Variants in RSPO3 observed in about 807,000 individuals in gnomAD.
The protein encoded by RSPO3 is R-spondin 3.
RSPO3 carries 17 observed loss-of-function variants against 36.5 expected under a neutral mutation model. The ratio of observed to expected loss-of-function variants is 0.47; its 90% CI spans 0.32 to 0.70. The LOEUF (loss-of-function observed/expected upper bound fraction) is 0.70. Among genes scored for constraint, RSPO3 ranks in the 30% least tolerant of loss-of-function variants. The pLI, the probability that RSPO3 is intolerant of heterozygous loss-of-function variation, is 0.04. For missense variants in RSPO3, 294 were observed against 322.5 expected, an observed-to-expected ratio of 0.91 and a Z score of 0.68; for synonymous variants, 108 against 107.0, an observed-to-expected ratio of 1.01 and a Z score of -0.06.
Position 127,131,158 on chromosome 6 carries a change from A to C in RSPO3, c.97+11869A>C, listed in dbSNP as rs548925184. ...TAGGCTTGCAGTATCACATAGATGC[A>C]TACTTGGCCCTAGTACAATCAATAA... On this transcript the variant is annotated intron_variant, in intron 1 of 4. Transcript: ENST00000356698. Among the ~76,000 whole-genome samples, 7 of 152,248 alleles carry C rather than the reference A, an allele frequency of 4.6e-5. No homozygotes were observed. The South Asian group carries it at 1.2e-3, about 27-fold the overall frequency.
chr6:127,148,799 A>G lies in RSPO3; in HGVS notation c.249A>G (p.Gly83=), dbSNP rs759931279. The G allele has an allele frequency of 1.2e-6, 2 of 1,612,666 alleles. No homozygotes were observed. Among genetic ancestry groups the G allele is most frequent in the East Asian group, 2.2e-5 (1 of 44,852 alleles). ...TATGTCTCTCTTCATGTCCAAGTGG[A>G]TATTATGGAACTCGATATCCAGATA... The part of the protein sequence containing the change: ...IGVCLSSCPS[G]YYGTRYPDIN... Residue 83 remains glycine (G), a synonymous_variant, in exon 2 of 5, where the codon GGA becomes GGG. Coordinates refer to ENST00000356698, the MANE Select transcript of RSPO3 (RefSeq NM_032784.5).
rs564935371 is a variant in RSPO3, at chr6:127,150,644, T to A, written c.436+72T>A. 3.5e-5 allele frequency: 52 copies of A among 1,466,488 alleles called. No individual in the cohort carries two copies. The East Asian group carries it at 1.1e-3, about 32-fold the overall frequency. 90.8% of individuals were successfully genotyped at this position (1,466,488 alleles called of 1,614,324 possible). Reference sequence around the variant, plus strand: ...CATGGAGGTGCTTTTCAAAGTCCTTTGCCAAAAGAACTTGAAGGTTCTTGG... The same window carrying A: ...CATGGAGGTGCTTTTCAAAGTCCTTAGCCAAAAGAACTTGAAGGTTCTTGG... On this transcript the variant is annotated intron_variant, in intron 3 of 4. Transcript: ENST00000356698.
intron 1 of RSPO3, among the ~76,000 whole-genome samples, chr6:127,127,413 A>AC (rs1176086344): frequency 6.6e-6 from 1 of 152,134 alleles, no homozygotes; most frequent in Non-Finnish European, 1.5e-5. Context: ...ATGGCAAACA[A>AC]CAGCTTTTTA....
At chr6:127,159,969 G>A (rs1229948799) in intron 4 of RSPO3, among the ~76,000 whole-genome samples, 1 of 151,974 alleles carries the variant, frequency 6.6e-6, no homozygotes, top group Non-Finnish European at 1.5e-5. Context: ...TCTCTTAAAG[G>A]CTAAGCCACG....
chr6:127,191,919 A>T (rs1052789791), intron 4 of RSPO3, among the ~76,000 whole-genome samples: 1 of 152,148 alleles, frequency 6.6e-6, no homozygotes, highest in Non-Finnish European at 1.5e-5. Context: ...GTAATATTCT[A>T]TATATAGACT....
intron 4 of RSPO3, among the ~76,000 whole-genome samples, chr6:127,189,360 T>C (rs1471286884): frequency 6.6e-6 from 1 of 151,500 alleles, no homozygotes; most frequent in Non-Finnish European, 1.5e-5. Flanking sequence ...GTATCCAATA[T>C]ATGGGATCAG....
At chr6:127,160,656 G>A (rs2114601185) in intron 4 of RSPO3, among the ~76,000 whole-genome samples, 3 of 152,310 alleles carry the variant, frequency 2.0e-5, no homozygotes, top group Middle Eastern at 6.8e-3. Flanking sequence ...ACGTCATTGG[G>A]TTGTTGCTAT....
At chr6:127,128,176 G>A (rs1445465270) in intron 1 of RSPO3, among the ~76,000 whole-genome samples, 1 of 151,866 alleles carries the variant, frequency 6.6e-6, no homozygotes, top group Non-Finnish European at 1.5e-5. Flanking sequence ...TATTTTACTG[G>A]CTATTGTTAT....
intron 1 of RSPO3, among the ~76,000 whole-genome samples, chr6:127,124,745 G>C (rs79998579): frequency 1.3e-5 from 2 of 151,992 alleles, no homozygotes; most frequent in African/African-American, 2.4e-5. Flanking sequence ...ATATGTAAAA[G>C]ATGCTAGCCA....
Position 127,174,335 on chromosome 6 carries a change from A to G in RSPO3, c.634+18897A>G, listed in dbSNP as rs1775004339. On this transcript the variant is annotated intron_variant, in intron 4 of 4. Coordinates refer to ENST00000356698, the MANE Select transcript of RSPO3 (RefSeq NM_032784.5). ...TTGCAACATAATTAGAGATTTGCAAATTCAAGGTTGGCCTAATAGAAAAAC... is the reference window on the plus strand; with the variant it reads ...TTGCAACATAATTAGAGATTTGCAAGTTCAAGGTTGGCCTAATAGAAAAAC... Among the ~76,000 whole-genome samples the G allele has an allele frequency of 2.6e-5, 4 of 151,874 alleles. No homozygotes were observed. The South Asian group carries it at 8.3e-4, about 31-fold the overall frequency.
intron 4 of RSPO3, among the ~76,000 whole-genome samples, chr6:127,193,620 T>C (rs1775458073): frequency 6.6e-6 from 1 of 152,228 alleles, no homozygotes; most frequent in African/African-American, 2.4e-5. Flanking sequence ...GCCATCTCCT[T>C]GTGAAAACTA....
chr6:127,195,966 C>T lies in RSPO3; in HGVS notation c.778C>T (p.Gln260Ter), dbSNP rs1231073114. Residue 260 changes from glutamine to a stop codon, truncating the protein, a stop_gained, in exon 5 of 5, where the codon CAA becomes TAA. Transcript: ENST00000356698. LOFTEE classifies it high-confidence loss of function. ...NKQQQKKRKV[Q>*]DKQKSVSVST... ...ACAGCAGCAGAAGAAGCGAAAAGTCCAAGATAAACAGAAATCGGTATCAGT... is the reference window on the plus strand; with the variant it reads ...ACAGCAGCAGAAGAAGCGAAAAGTCTAAGATAAACAGAAATCGGTATCAGT... 6.2e-7 allele frequency: 1 copy of T among 1,612,776 alleles called. No homozygotes were observed. Among genetic ancestry groups the T allele is most frequent in the Admixed American group, 1.7e-5 (1 of 59,988 alleles).
chr6:127,186,782 G>A (rs1211079899), intron 4 of RSPO3, among the ~76,000 whole-genome samples: 1 of 152,096 alleles, frequency 6.6e-6, no homozygotes, highest in Non-Finnish European at 1.5e-5. Flanking sequence ...AAAAATTAAT[G>A]ATAGTCAAGT....
chr6:127,161,362 T>C (rs148459623), intron 4 of RSPO3, among the ~76,000 whole-genome samples: 2 of 133,890 alleles, frequency 1.5e-5, no homozygotes, highest in African/African-American at 5.8e-5. Context: ...TTCTCAATAT[T>C]AAAGAAAAAG....
chr6:127,150,085 T>C (rs1021067704), intron 2 of RSPO3, among the ~76,000 whole-genome samples: 19 of 152,018 alleles, frequency 1.2e-4, no homozygotes, highest in Non-Finnish European at 2.1e-4. Flanking sequence ...ATATCCTTTG[T>C]ATGTTTTCTT....
intron 1 of RSPO3, among the ~76,000 whole-genome samples, chr6:127,120,896 C>T (rs955997282): frequency 6.6e-6 from 1 of 152,254 alleles, no homozygotes; most frequent in Non-Finnish European, 1.5e-5. Context: ...TCATTCCGGC[C>T]CGGACGCGGA....
chr6:127,169,842 T>G (rs1452497778), intron 4 of RSPO3, among the ~76,000 whole-genome samples: 1 of 124,542 alleles, frequency 8.0e-6, no homozygotes, highest in Non-Finnish European at 1.8e-5. Context: ...CTGTGCTTAC[T>G]TGCTTCTTTT....
chr6:127,145,367 G>A (rs1283686539), intron 1 of RSPO3, among the ~76,000 whole-genome samples: 2 of 151,982 alleles, frequency 1.3e-5, no homozygotes, highest in Non-Finnish European at 2.9e-5. Flanking sequence ...CTCCTAGTTT[G>A]CATGCCTGCC....
At chr6:127,188,981 C>CT (rs937265036) in intron 4 of RSPO3, among the ~76,000 whole-genome samples, 21 of 152,058 alleles carry the variant, frequency 1.4e-4, no homozygotes, top group African/African-American at 4.3e-4. Context: ...AGGAACCCTC[C>CT]TTATCCTCAT....
Sources: gnomAD v4.1 joint callset for allele counts (sites outside exome capture counted in the v4.1 genomes callset) on GRCh38, gnomAD v4.1.1 for gene constraint, MANE v1.5 for transcripts, NCBI Gene and HGNC (gene_info 2026-07-23, HGNC 2026-07-21) for gene names.